The following MACROD2 variants were observed in gnomAD, a reference collection of about 807,000 sequenced individuals.
MACROD2 encodes ADP-ribose glycohydrolase MACROD2.
A neutral mutation model predicts 70.4 loss-of-function variants in MACROD2; 36 were observed. That is an observed-to-expected ratio of 0.51 (90% CI 0.39 to 0.68). The LOEUF (loss-of-function observed/expected upper bound fraction) is 0.68. Among genes scored for constraint, MACROD2 ranks in the 30% least tolerant of loss-of-function variants. The pLI, the probability that MACROD2 is intolerant of heterozygous loss-of-function variation, is 0.00. For missense variants in MACROD2, 496 were observed against 538.4 expected (o/e 0.92, Z 0.78); for synonymous variants, 172 against 178.8 (o/e 0.96, Z 0.30).
At chr20:14,039,414 C>T (rs1004636874) in intron 2 of MACROD2, among the ~76,000 whole-genome samples, 1 of 152,078 alleles carries the variant, frequency 6.6e-6, no homozygotes, top group Non-Finnish European at 1.5e-5. Context: ...ACCAAAGGCA[C>T]GTCTTGTTTT....
rs559343635 is a variant in MACROD2 at position 15,436,149 on chromosome 20, T to C, written c.571+4714T>C. ...GTGGTTTATAGACCATTCAGCATTATGCAACTTGAAAATTACTTCATATGT... is the reference window on the plus strand; with the variant it reads ...GTGGTTTATAGACCATTCAGCATTACGCAACTTGAAAATTACTTCATATGT... On this transcript the variant is annotated intron_variant, in intron 7 of 17. Transcript: ENST00000684519. Among the ~76,000 whole-genome samples the C allele has an allele frequency of 2.6e-5, 4 of 152,272 alleles. No individual in the cohort carries two copies. In the East Asian group the frequency reaches 7.7e-4, roughly 29 times the overall value.
At chr20:14,004,315 T>G (rs2086826258) in intron 2 of MACROD2, among the ~76,000 whole-genome samples, 2 of 152,248 alleles carry the variant, frequency 1.3e-5, no homozygotes, top group Non-Finnish European at 2.9e-5. Context: ...TAATCCTGCC[T>G]CCCAATATGA....
At chr20:14,178,339 A>C (rs1467197217) in intron 3 of MACROD2, among the ~76,000 whole-genome samples, 1 of 152,154 alleles carries the variant, frequency 6.6e-6, no homozygotes, top group African/African-American at 2.4e-5. Flanking sequence ...ATAATGTACC[A>C]ATTAAAAAAT....
chr20:14,092,606 C>T (rs1040824760), intron 3 of MACROD2, among the ~76,000 whole-genome samples: 2 of 152,070 alleles, frequency 1.3e-5, no homozygotes. Context: ...GTATTATGCT[C>T]ATAGTACTAA....
chr20:14,128,403 T>A (rs1371338501), intron 3 of MACROD2: 1 of 153,164 alleles, frequency 6.5e-6, no homozygotes, highest in Non-Finnish European at 1.5e-5. Flanking sequence ...ATTTGCCACT[T>A]GTACCTAAAA....
intron 10 of MACROD2, chr20:15,893,782 A>G (rs113622704): frequency 4.6e-4 from 209 of 456,746 alleles, no homozygotes; most frequent in African/African-American, 3.6e-3. Context: ...TGAAGAGTGT[A>G]ATAATACTGA....
intron 10 of MACROD2, chr20:15,894,000 C>T (rs1413613837): frequency 6.7e-6 from 3 of 447,476 alleles, no homozygotes; most frequent in South Asian, 4.8e-5. Context: ...GCTCTAGGGT[C>T]TCGCTTTCCC....
intron 3 of MACROD2, among the ~76,000 whole-genome samples, chr20:14,287,383 A>AATG (rs148121991): frequency 0.025 from 3,725 of 151,376 alleles, 48 homozygotes; most frequent in Non-Finnish European, 0.031. Flanking sequence ...ATGATTAGGA[A>AATG]ATGATGATGA....
intron 8 of MACROD2, among the ~76,000 whole-genome samples, chr20:15,730,804 C>T (rs867527866): frequency 3.3e-5 from 5 of 150,956 alleles, no homozygotes; most frequent in African/African-American, 9.7e-5. Flanking sequence ...CTGTCTCTTC[C>T]TCTCTTTCAG....
At chr20:14,610,833 ATTATTG>A (rs2123427400) in intron 4 of MACROD2, among the ~76,000 whole-genome samples, 1 of 152,186 alleles carries the variant, frequency 6.6e-6, no homozygotes, top group African/African-American at 2.4e-5. Context: ...AGGTATTTTT[ATTATTG>A]TTATTGTTAT....
chr20:14,255,513 C>G (rs1317423230), intron 3 of MACROD2, among the ~76,000 whole-genome samples: 2 of 142,996 alleles, frequency 1.4e-5, no homozygotes, highest in Non-Finnish European at 3.1e-5. Flanking sequence ...GGAAGGGGAA[C>G]ATCACACACC....
chr20:15,766,677 C>G lies in MACROD2; in HGVS notation c.646-96068C>G, dbSNP rs1159051177. ...AGAATCCCAAAGAAGGGAGATGACT[C>G]AAGCCATCTTTTATTACTTAGACGA... On this transcript the variant is annotated intron_variant, in intron 8 of 17. Coordinates refer to ENST00000684519, the MANE Select transcript of MACROD2 (RefSeq NM_001351661.2). Among the ~76,000 whole-genome samples, 10 of 152,300 alleles carry G rather than the reference C, an allele frequency of 6.6e-5. No homozygotes were observed. The East Asian group carries it at 7.7e-4, about 12-fold the overall frequency.
intron 8 of MACROD2, among the ~76,000 whole-genome samples, chr20:15,572,669 G>C (rs1241437757): frequency 6.6e-6 from 1 of 151,960 alleles, no homozygotes; most frequent in Non-Finnish European, 1.5e-5. Flanking sequence ...TATGCTTTTA[G>C]TTTAAAATAA....
chr20:15,062,434 A>G (rs2075540322), intron 5 of MACROD2, among the ~76,000 whole-genome samples: 1 of 152,054 alleles, frequency 6.6e-6, no homozygotes, highest in African/African-American at 2.4e-5. Flanking sequence ...CCTGTATTTT[A>G]TCTGGCAACT....
At chr20:14,409,428 T>TTAA (rs2083725823) in intron 3 of MACROD2, among the ~76,000 whole-genome samples, 3 of 150,338 alleles carry the variant, frequency 2.0e-5, no homozygotes, top group African/African-American at 7.4e-5. Flanking sequence ...TTATTGGTAT[T>TTAA]TTATTATTAT....
chr20:14,929,717 T>TCAGTCACCTCTG (rs752240885), intron 5 of MACROD2, among the ~76,000 whole-genome samples: 70 of 152,156 alleles, frequency 4.6e-4, no homozygotes, highest in South Asian at 1.9e-3. Flanking sequence ...TGAGTCACCT[T>TCAGTCACCTCTG]ATTAACGTAA....
intron 6 of MACROD2, among the ~76,000 whole-genome samples, chr20:15,357,625 T>A (rs1414961761): frequency 6.6e-6 from 1 of 152,206 alleles, no homozygotes; most frequent in Non-Finnish European, 1.5e-5. Flanking sequence ...TAAGGTACAC[T>A]ATCTTTGTAC....
At chr20:15,035,084 C>T (rs1049528146) in intron 5 of MACROD2, among the ~76,000 whole-genome samples, 2 of 152,122 alleles carry the variant, frequency 1.3e-5, no homozygotes, top group African/African-American at 4.8e-5. Context: ...TTTACCACCA[C>T]TGAATATTAT....
intron 12 of MACROD2, among the ~76,000 whole-genome samples, chr20:15,950,886 T>C (rs1196034229): frequency 6.6e-6 from 1 of 152,122 alleles, no homozygotes; most frequent in East Asian, 1.9e-4. Context: ...GTATGGGGCG[T>C]TTCCCACGTT....
Sources: allele counts gnomAD v4.1 joint callset (sites outside exome capture counted in the v4.1 genomes callset), GRCh38; gene constraint gnomAD v4.1.1; transcripts MANE v1.5; gene names NCBI Gene and HGNC (gene_info 2026-07-23, HGNC 2026-07-21).